The following MND1 variants were observed in gnomAD, a reference collection of about 807,000 sequenced individuals.
MND1 encodes the protein meiotic nuclear division protein 1 homolog.
MND1 carries 28 observed loss-of-function variants against 35.1 expected under a neutral mutation model. The observed-to-expected ratio is 0.80, with a 90% CI of 0.59 to 1.09. The LOEUF (loss-of-function observed/expected upper bound fraction) is 1.09, where lower values mean the gene tolerates loss of function less well. Among genes scored for constraint, MND1 ranks in the 50% least tolerant of loss-of-function variants. The probability of loss-of-function intolerance (pLI) is 0.00; values close to 1 mark genes in which losing one functional copy is unlikely to be tolerated. For missense variants in MND1, 213 were observed against 239.6 expected, an observed-to-expected ratio of 0.89 and a Z score of 0.73; for synonymous variants, 69 against 70.5, an observed-to-expected ratio of 0.98 and a Z score of 0.11.
chr4:153,411,409 A>G (rs1729681657), intron 7 of MND1, among the ~76,000 whole-genome samples: 1 of 152,188 alleles, frequency 6.6e-6, no homozygotes, highest in South Asian at 2.1e-4. Context: ...AAAAATTTCT[A>G]CATTAAATAG....
At chr4:153,406,458 G>A (rs1055536169) in intron 6 of MND1, among the ~76,000 whole-genome samples, 2 of 152,010 alleles carry the variant, frequency 1.3e-5, no homozygotes, top group Admixed American at 6.6e-5. Context: ...GAAGGCAGAG[G>A]TTGCAGTGAG....
chr4:153,392,613 G>C (rs1438334065), intron 4 of MND1, among the ~76,000 whole-genome samples: 1 of 152,152 alleles, frequency 6.6e-6, no homozygotes, highest in Non-Finnish European at 1.5e-5. Flanking sequence ...GTGATTATTT[G>C]TTCCCTTGTA....
chr4:153,352,217 T>C (rs1773231736), intron 2 of MND1, among the ~76,000 whole-genome samples: 1 of 152,190 alleles, frequency 6.6e-6, no homozygotes, highest in South Asian at 2.1e-4. Context: ...ATGGCCATGC[T>C]TATGCCCAGA....
intron 3 of MND1, among the ~76,000 whole-genome samples, chr4:153,356,028 G>A (rs1173991823): frequency 6.6e-6 from 1 of 152,066 alleles, no homozygotes; most frequent in Admixed American, 6.6e-5. Flanking sequence ...TGATAAGCTG[G>A]CTGGTAGCGC....
intron 4 of MND1, among the ~76,000 whole-genome samples, chr4:153,384,613 T>C (rs552373669): frequency 7.9e-5 from 12 of 152,132 alleles, no homozygotes; most frequent in African/African-American, 2.9e-4. Context: ...TTTATTACTT[T>C]AGTCTTATTA....
chr4:153,405,598 TAAAC>T (rs1236536196), intron 6 of MND1, among the ~76,000 whole-genome samples: 4 of 150,402 alleles, frequency 2.7e-5, no homozygotes, highest in Admixed American at 1.3e-4. Flanking sequence ...AGTCCAGAAA[TAAAC>T]CCAATTGATT....
chr4:153,382,400 G>A (rs934370317), intron 4 of MND1, among the ~76,000 whole-genome samples: 2 of 152,124 alleles, frequency 1.3e-5, no homozygotes, highest in Non-Finnish European at 2.9e-5. Context: ...GAATGTGTTC[G>A]CTTGCTTTCT....
chr4:153,400,107 G>A (rs565047498), intron 6 of MND1, among the ~76,000 whole-genome samples: 9 of 151,646 alleles, frequency 5.9e-5, no homozygotes, highest in Non-Finnish European at 1.3e-4. Flanking sequence ...ATGGTGTCTC[G>A]CTATATTGCC....
intron 2 of MND1, 52 bp from the exon 3 acceptor site, chr4:153,355,602 A>G (rs1773320279): frequency 6.0e-6 from 7 of 1,165,720 alleles, no homozygotes; most frequent in South Asian, 2.6e-5. Flanking sequence ...GAAAATATAC[A>G]TAGTAGAAAA....
At chr4:153,359,622 T>A (rs979580241) in intron 4 of MND1, among the ~76,000 whole-genome samples, 1 of 152,324 alleles carries the variant, frequency 6.6e-6, no homozygotes, top group Admixed American at 6.5e-5. Context: ...TGTTTTTGCA[T>A]TCCCAACTAC....
intron 6 of MND1, among the ~76,000 whole-genome samples, chr4:153,406,051 C>T (rs1296862909): frequency 2.6e-5 from 4 of 152,050 alleles, no homozygotes; most frequent in South Asian, 2.1e-4. Flanking sequence ...CTGCCCGTCT[C>T]GGCCTCCCAA....
chr4:153,372,473 T>C (rs1773815855), intron 4 of MND1, among the ~76,000 whole-genome samples: 1 of 152,240 alleles, frequency 6.6e-6, no homozygotes. Flanking sequence ...AACCTGCTCA[T>C]ATTTAAAGTG....
At chr4:153,377,278 A>C (rs1328722611) in intron 4 of MND1, among the ~76,000 whole-genome samples, 2 of 152,210 alleles carry the variant, frequency 1.3e-5, no homozygotes, top group Non-Finnish European at 2.9e-5. Context: ...TCTTAGGACA[A>C]CTTAAGTATT....
In MND1 at chr4:153,394,326, G is replaced by A. The variant is rs747722860; in HGVS notation, c.341G>A (p.Arg114Gln). ...QKSIEKAKIG[R>Q]CETEERTRLA... ...AGCATTGAGAAAGCTAAAATTGGCC[G>A]ATGTGAAACGGTAAGTTTGTGTCTA... is the stretch of plus-strand genomic sequence containing the variant. Residue 114 changes from arginine (R) to glutamine (Q), a missense_variant, in exon 5 of 8, where the codon CGA (arginine) becomes CAA (glutamine). Transcript: ENST00000240488. The A allele has an allele frequency of 1.2e-5, 19 of 1,611,104 alleles. No individual in the cohort carries two copies. The Admixed American group carries it at 1.5e-4, about 13-fold the overall frequency.
chr4:153,365,267 CACAA>C (rs1363570818), intron 4 of MND1, among the ~76,000 whole-genome samples: 2 of 152,184 alleles, frequency 1.3e-5, no homozygotes, highest in Non-Finnish European at 2.9e-5. Flanking sequence ...TTCCTGTTGG[CACAA>C]ACAGTTCCCC....
intron 4 of MND1, among the ~76,000 whole-genome samples, chr4:153,385,752 G>A (rs367935444): frequency 1.3e-5 from 2 of 151,190 alleles, no homozygotes; most frequent in East Asian, 3.9e-4. Context: ...AAATGGTAGA[G>A]CATGCTTCAG....
intron 4 of MND1, among the ~76,000 whole-genome samples, chr4:153,377,497 A>G (rs1470515738): frequency 1.3e-5 from 2 of 152,136 alleles, no homozygotes; most frequent in Admixed American, 6.6e-5. Context: ...GATGAGAGGG[A>G]CATAAGAATG....
rs774668405 is a variant in MND1 at position 153,350,049 on chromosome 4, A to G, written c.4-15A>G. ...GTTTAAAAGCATTGTTTACTTGTTA[A>G]TTTTTTTGCTTTAGTCAAAGAAAAA... is the stretch of plus-strand genomic sequence containing the variant. On this transcript the variant is annotated splice_polypyrimidine_tract_variant and intron_variant, in intron 1 of 7. Coordinates refer to ENST00000240488, the MANE Select transcript of MND1 (RefSeq NM_032117.4). The G allele has an allele frequency of 1.3e-6, 2 of 1,561,930 alleles. No individual in the cohort carries two copies. The highest frequency in any genetic ancestry group is 1.7e-6 in the Non-Finnish European group (2 of 1,149,368).
At chr4:153,385,725 A>G (rs1217586762) in intron 4 of MND1, among the ~76,000 whole-genome samples, 2 of 151,438 alleles carry the variant, frequency 1.3e-5, no homozygotes, top group African/African-American at 2.4e-5. Flanking sequence ...CAAAAAAAAA[A>G]AAAAAAAAAG....
Sources: gnomAD v4.1 joint callset for allele counts (sites outside exome capture counted in the v4.1 genomes callset) on GRCh38, gnomAD v4.1.1 for gene constraint, MANE v1.5 for transcripts, NCBI Gene and HGNC (gene_info 2026-07-23, HGNC 2026-07-21) for gene names.